Variants in CDK6 observed in about 807,000 individuals in gnomAD.
CDK6 encodes the protein cyclin dependent kinase 6.
CDK6 carries 6 observed loss-of-function variants against 37.1 expected under a neutral mutation model. The observed-to-expected ratio is 0.16, with a 90% CI of 0.09 to 0.32. The LOEUF (loss-of-function observed/expected upper bound fraction) is 0.32, where lower values mean the gene tolerates loss of function less well. CDK6 is among the 10% of genes least tolerant of loss of function. CDK6 has a pLI of 1.00. For missense variants in CDK6, 224 were observed against 418.9 expected, an observed-to-expected ratio of 0.53 and a Z score of 4.06; for synonymous variants, 160 against 161.3, an observed-to-expected ratio of 0.99 and a Z score of 0.06.
Position 92,833,093 on chromosome 7 carries a change from G to T in CDK6, c.231C>A (p.Val77=), listed in dbSNP as rs2116031242. 6.3e-7 allele frequency: 1 copy of T among 1,581,336 alleles called. No homozygotes were observed. The highest frequency in any genetic ancestry group is 8.6e-7 in the Non-Finnish European group (1 of 1,164,604). ...HLETFEHPNV[V]RLFDVCTVSR... is the part of the protein sequence containing the mutation. ...GAGGGCGCAGCTCCCTGGCTCACCT[G>T]ACCACGTTGGGGTGCTCGAAGGTCT... Residue 77 remains valine, a splice_region_variant and synonymous_variant, in exon 2 of 8, where the codon GTC becomes GTA. Coordinates refer to ENST00000424848, the MANE Select transcript of CDK6 (RefSeq NM_001145306.2). The surrounding 1 kb of genome is among the most constrained non-coding windows in gnomAD (Gnocchi z 6.1).
At chr7:92,619,327 A>G (rs1291454434) in intron 6 of CDK6, among the ~76,000 whole-genome samples, 4 of 152,180 alleles carry the variant, frequency 2.6e-5, no homozygotes, top group Admixed American at 6.5e-5. Context: ...GATATTATTT[A>G]TAGTTTACAT....
At chr7:92,755,323 G>A (rs1478602762) in intron 3 of CDK6, among the ~76,000 whole-genome samples, 1 of 151,998 alleles carries the variant, frequency 6.6e-6, no homozygotes, top group Admixed American at 6.6e-5. Flanking sequence ...AGTGCCACAA[G>A]GGTACCTTTT....
rs554522177 is a variant in CDK6 at position 92,654,730 on chromosome 7, C to T, written c.647+16696G>A. Among the ~76,000 whole-genome samples, 6 of 152,168 alleles carry T rather than the reference C, an allele frequency of 3.9e-5. No individual in the cohort carries two copies. The South Asian group carries it at 1.2e-3, about 32-fold the overall frequency. On this transcript the variant is annotated intron_variant, in intron 5 of 7. Coordinates refer to ENST00000424848, the MANE Select transcript of CDK6 (RefSeq NM_001145306.2). ...CAGGAAAGGTAGTGGGAAGAGCTGG[C>T]CATTTTCTGAACCGAAGTCAACCTT...
At chr7:92,780,866 A>G (rs1799973982) in intron 2 of CDK6, among the ~76,000 whole-genome samples, 1 of 152,112 alleles carries the variant, frequency 6.6e-6, no homozygotes, top group Non-Finnish European at 1.5e-5. Context: ...ATGATTCCTT[A>G]TATTGACCAA....
intron 4 of CDK6, chr7:92,725,125 A>G (rs1433356956): frequency 3.0e-6 from 3 of 985,304 alleles, no homozygotes; most frequent in East Asian, 1.1e-4. Context: ...GCGGTGCTCT[A>G]CGTTCATGCA....
intron 3 of CDK6, among the ~76,000 whole-genome samples, chr7:92,761,970 C>T (rs1451696498): frequency 1.3e-5 from 2 of 152,158 alleles, no homozygotes; most frequent in Non-Finnish European, 2.9e-5. Flanking sequence ...AGTATAGTGG[C>T]AACATTAAGA....
chr7:92,676,944 G>C (rs1302242477), intron 4 of CDK6, among the ~76,000 whole-genome samples: 3 of 145,206 alleles, frequency 2.1e-5, no homozygotes, highest in Non-Finnish European at 4.5e-5. Flanking sequence ...GGGCGACAGA[G>C]AGACTCCGTC....
At chr7:92,771,231 A>T (rs1459442233) in intron 3 of CDK6, among the ~76,000 whole-genome samples, 1 of 150,508 alleles carries the variant, frequency 6.6e-6, no homozygotes, top group African/African-American at 2.4e-5. Flanking sequence ...TCTCAAAAAA[A>T]AAAAATAAAT....
In CDK6 at chr7:92,611,440, C is replaced by G. The variant is rs1338903805; in HGVS notation, c.*3700G>C. 2 of 226,606 alleles carry G rather than the reference C, an allele frequency of 8.8e-6. No homozygotes were observed. Among genetic ancestry groups the G allele is most frequent in the Admixed American group, 5.7e-5 (1 of 17,580 alleles). 14.0% of individuals were successfully genotyped at this position (226,606 alleles called of 1,614,324 possible). On this transcript the variant is annotated 3_prime_UTR_variant, in exon 8 of 8. Coordinates refer to ENST00000424848, the MANE Select transcript of CDK6 (RefSeq NM_001145306.2). ...CTCATGTGCTTATCATAAGAATAGTCAAATTGTCACTTAAAAGAAAAGCAA... is the reference window on the plus strand; with the variant it reads ...CTCATGTGCTTATCATAAGAATAGTGAAATTGTCACTTAAAAGAAAAGCAA...
intron 4 of CDK6, among the ~76,000 whole-genome samples, chr7:92,720,829 C>T (rs1429490635): frequency 6.6e-6 from 1 of 152,132 alleles, no homozygotes; most frequent in Non-Finnish European, 1.5e-5. Context: ...TTCAGAGTGA[C>T]TCTAAATATA....
rs531537603 is a variant in CDK6 at position 92,728,656 on chromosome 7, GAATCC to G, written c.370-2868_370-2864del. Among the ~76,000 whole-genome samples, 716 of 152,294 alleles carry G rather than the reference GAATCC, an allele frequency of 4.7e-3. 6 individuals carry two copies. The highest frequency in any genetic ancestry group is 0.016 in the African/African-American group (678 of 41,560). ...TACCAAAGCATGGGTTAGGCAGTAT[GAATCC>G]ACATGACTGCACTAACGTTGATTCC... On this transcript the variant is annotated intron_variant, in intron 3 of 7. Transcript: ENST00000424848.
At chr7:92,798,014 C>T (rs1346462353) in intron 2 of CDK6, among the ~76,000 whole-genome samples, 2 of 152,196 alleles carry the variant, frequency 1.3e-5, no homozygotes, top group Non-Finnish European at 2.9e-5. Context: ...CTCTACTTTT[C>T]TCAAGTGTGC....
intron 5 of CDK6, among the ~76,000 whole-genome samples, chr7:92,640,334 G>C (rs1322222861): frequency 6.6e-6 from 1 of 152,186 alleles, no homozygotes; most frequent in Non-Finnish European, 1.5e-5. Context: ...ACAGGAACCA[G>C]GTTTTTCTCT....
At chr7:92,785,030 G>C (rs1182515784) in intron 2 of CDK6, among the ~76,000 whole-genome samples, 1 of 152,136 alleles carries the variant, frequency 6.6e-6, no homozygotes, top group African/African-American at 2.4e-5. Context: ...TCATTTTAGA[G>C]ACGAAGAAAT....
In CDK6 at chr7:92,614,863, T is replaced by C. The variant is rs1795639049; in HGVS notation, c.*277A>G. ...TTAGAAAAATCAAATGGCAGCACAA[T>C]TGGTCAGCAGCTTCTCTTCTTCTGG... On this transcript the variant is annotated 3_prime_UTR_variant, in exon 8 of 8. Transcript: ENST00000424848. 4.9e-6 allele frequency: 2 copies of C among 409,472 alleles called. No individual in the cohort carries two copies. Among genetic ancestry groups the C allele is most frequent in the South Asian group, 5.1e-5 (1 of 19,420 alleles). 25.4% of individuals were successfully genotyped at this position (409,472 alleles called of 1,614,324 possible).
intron 7 of CDK6, among the ~76,000 whole-genome samples, chr7:92,616,643 CAAG>C (rs533063650): frequency 5.5e-4 from 83 of 152,180 alleles, no homozygotes; most frequent in African/African-American, 1.9e-3. Flanking sequence ...TCCCAGAGCC[CAAG>C]AAGGAGAAAA....
At chr7:92,627,538 T>G (rs1057192424) in intron 5 of CDK6, among the ~76,000 whole-genome samples, 1 of 152,100 alleles carries the variant, frequency 6.6e-6, no homozygotes, top group Non-Finnish European at 1.5e-5. Context: ...CTCCAGATAC[T>G]GGCTCTGACC....
chr7:92,728,326 C>T (rs750965396), intron 3 of CDK6, among the ~76,000 whole-genome samples: 9 of 151,932 alleles, frequency 5.9e-5, no homozygotes, highest in Admixed American at 2.6e-4. Context: ...TTAAAAATTA[C>T]GTATTTTATT....
At chr7:92,642,178 G>A (rs1410007621) in intron 5 of CDK6, among the ~76,000 whole-genome samples, 1 of 152,108 alleles carries the variant, frequency 6.6e-6, no homozygotes, top group Non-Finnish European at 1.5e-5. Context: ...CCTCCTTGTG[G>A]AGGAGTCAGC....
Sources: allele counts gnomAD v4.1 joint callset (sites outside exome capture counted in the v4.1 genomes callset), GRCh38; gene constraint gnomAD v4.1.1; non-coding constraint Gnocchi (gnomAD v3.1); transcripts MANE v1.5; gene names NCBI Gene and HGNC (gene_info 2026-07-23, HGNC 2026-07-21).